Variants in C12orf76 observed in about 807,000 individuals in gnomAD.
C12orf76 encodes chromosome 12 open reading frame 76.
A neutral mutation model predicts 6.8 loss-of-function variants in C12orf76; 6 were observed. The ratio of observed to expected loss-of-function variants is 0.88; its 90% confidence interval spans 0.48 to 1.73. The LOEUF (loss-of-function observed/expected upper bound fraction) is 1.73. C12orf76 is among the 40% of genes most tolerant of loss of function. The probability of loss-of-function intolerance (pLI) is 0.01; values close to 1 mark genes in which losing one functional copy is unlikely to be tolerated. For missense variants in C12orf76, 99 were observed against 98.2 expected, an observed-to-expected ratio of 1.01 and a Z score of -0.03; for synonymous variants, 56 against 43.7, an observed-to-expected ratio of 1.28 and a Z score of -1.11.
chr12:110,062,963 T>TA (rs1892798526), intron 2 of C12orf76, among the ~76,000 whole-genome samples: 1 of 151,264 alleles, frequency 6.6e-6, no homozygotes, highest in African/African-American at 2.4e-5. Context: ...ATTTTTTTTT[T>TA]AGAGTCTCGC....
At chr12:110,058,175 C>T (rs537450820) in intron 3 of C12orf76, among the ~76,000 whole-genome samples, 1 of 151,334 alleles carries the variant, frequency 6.6e-6, no homozygotes, top group African/African-American at 2.4e-5. Flanking sequence ...CACACCTAGA[C>T]ACACAAACAG....
At chr12:110,043,373 G>GA (rs61073586) in intron 1 of C12orf76, among the ~76,000 whole-genome samples, 7,924 of 145,058 alleles carry the variant, frequency 0.055, 293 homozygotes, top group Non-Finnish European at 0.083. Flanking sequence ...GATTTAGTCG[G>GA]AAAAAAAAAA....
intron 3 of C12orf76, chr12:110,057,362 C>T: frequency 9.5e-7 from 1 of 1,055,280 alleles, no homozygotes; most frequent in Non-Finnish European, 1.5e-6. Context: ...CCTCATATCC[C>T]TTACCTCATG....
chr12:110,067,962 A>C (rs373724414), upstream of C12orf76, among the ~76,000 whole-genome samples: 1 of 152,220 alleles, frequency 6.6e-6, no homozygotes, highest in Non-Finnish European at 1.5e-5. Context: ...CTGTAATCCC[A>C]GCACTTTGGG....
chr12:110,056,113 A>C (rs1892663290), intron 4 of C12orf76, among the ~76,000 whole-genome samples: 1 of 152,060 alleles, frequency 6.6e-6, no homozygotes, highest in Middle Eastern at 3.2e-3. Flanking sequence ...TCAAAGAAAA[A>C]AAAGAGGGAA....
intron 1 of C12orf76, chr12:110,067,369 A>T: frequency 1.0e-6 from 1 of 972,864 alleles, no homozygotes; most frequent in Non-Finnish European, 1.2e-6. Flanking sequence ...CTCAACAATT[A>T]CCTAGATAGA....
At chr12:110,044,353 T>G (rs1352029147) in intron 1 of C12orf76, 1 of 151,926 alleles carries the variant, frequency 6.6e-6, no homozygotes, top group Non-Finnish European at 1.5e-5. Flanking sequence ...GAGACCAGCC[T>G]GGCCAACATG....
At chr12:110,056,989 G>A in intron 4 of C12orf76, 1 of 585,524 alleles carries the variant, frequency 1.7e-6, no homozygotes, top group Non-Finnish European at 3.1e-6. Context: ...CATCCATCAA[G>A]GGGCACTCAC....
At chr12:110,048,691 C>G (rs917223853), upstream of C12orf76, 4 of 1,243,498 alleles carry the variant, frequency 3.2e-6, no homozygotes, top group African/African-American at 6.2e-5. Flanking sequence ...TAATGTTTCC[C>G]CCGGACCAAC....
chr12:110,057,753 T>C (rs765306960), intron 3 of C12orf76, among the ~76,000 whole-genome samples: 1 of 151,908 alleles, frequency 6.6e-6, no homozygotes, highest in Non-Finnish European at 1.5e-5. Flanking sequence ...AATCAAGGGC[T>C]AAAAAGAAAA....
intron 1 of C12orf76, among the ~76,000 whole-genome samples, chr12:110,043,207 A>G (rs1892361522): frequency 6.6e-6 from 1 of 152,158 alleles, no homozygotes; most frequent in African/African-American, 2.4e-5. Context: ...AAGGGAGGCA[A>G]CCAGGCAAGG....
chr12:110,055,214 CTTT>C (rs1202961460), intron 4 of C12orf76, among the ~76,000 whole-genome samples: 2 of 133,494 alleles, frequency 1.5e-5, no homozygotes, highest in Non-Finnish European at 1.6e-5. Context: ...TGAGACGAAG[CTTT>C]TTTTTTTTTT....
At chr12:110,067,295 C>T (rs552725113) in intron 1 of C12orf76, among the ~76,000 whole-genome samples, 1 of 152,118 alleles carries the variant, frequency 6.6e-6, no homozygotes, top group African/African-American at 2.4e-5. Context: ...TGGGCCAAGT[C>T]GCACATCCCA....
chr12:110,047,158 G>C (rs1333576139), intron 1 of C12orf76, among the ~76,000 whole-genome samples: 1 of 152,116 alleles, frequency 6.6e-6, no homozygotes, highest in Non-Finnish European at 1.5e-5. Flanking sequence ...GGAAGACTTT[G>C]GCGAGGGGCA....
Position 110,042,044 on chromosome 12 carries a change from T to C in C12orf76, c.*330A>G, listed in dbSNP as rs1374011584. ...CATTAATGATGAGTTCTTTACAGTG[T>C]GGTTCTTACAGGCACTCACAAGGTT... On this transcript the variant is annotated 3_prime_UTR_variant, in exon 2 of 2. Coordinates refer to ENST00000615315, the MANE Select transcript of C12orf76 (RefSeq NM_001389625.1). 2.9e-6 allele frequency: 1 copy of C among 347,948 alleles called. No homozygotes were observed. The highest frequency in any genetic ancestry group is 2.0e-5 in the African/African-American group (1 of 49,644). 21.6% of individuals were successfully genotyped at this position (347,948 alleles called of 1,614,324 possible).
At chr12:110,071,545 G>C (rs1022065875), upstream of C12orf76, among the ~76,000 whole-genome samples, 1 of 151,902 alleles carries the variant, frequency 6.6e-6, no homozygotes, top group Admixed American at 6.6e-5. Context: ...CCTATGAACA[G>C]ATGCAGAAAC....
upstream of C12orf76, among the ~76,000 whole-genome samples, chr12:110,070,615 G>A (rs894755045): frequency 2.0e-5 from 3 of 152,148 alleles, no homozygotes; most frequent in Non-Finnish European, 4.4e-5. Context: ...CTGGGCCCAG[G>A]AATGTCAGGA....
At chr12:110,073,089 T>C (rs1892980069) in intron 1 of C12orf76, among the ~76,000 whole-genome samples, 3 of 151,996 alleles carry the variant, frequency 2.0e-5, no homozygotes, top group African/African-American at 2.4e-5. Flanking sequence ...TCACCAGGAG[T>C]GCCCTGAGAT....
upstream of C12orf76, chr12:110,050,598 G>T: frequency 5.1e-6 from 1 of 196,418 alleles, no homozygotes; most frequent in Non-Finnish European, 1.1e-5. Context: ...TACACTCCCA[G>T]CAGCGCCATG....
Sources: gnomAD v4.1 joint callset for allele counts (sites outside exome capture counted in the v4.1 genomes callset) on GRCh38, gnomAD v4.1.1 for gene constraint, MANE v1.5 for transcripts, NCBI Gene and HGNC (gene_info 2026-07-23, HGNC 2026-07-21) for gene names.